EIF3H: variants seen among roughly 807,000 people sequenced by gnomAD.
EIF3H encodes the protein eIF-3-gamma.
EIF3H carries 26 observed loss-of-function variants against 44.2 expected under a neutral mutation model. The observed-to-expected ratio is 0.59, with a 90% CI of 0.43 to 0.82. The LOEUF (loss-of-function observed/expected upper bound fraction) is 0.82. Ranked by LOEUF, EIF3H falls within the 40% of genes least tolerant of loss-of-function variation. EIF3H has a pLI of 0.00. For synonymous variants in EIF3H, 166 were observed against 151.9 expected (o/e 1.09, Z -0.68); for missense variants, 359 against 432.8 (o/e 0.83, Z 1.51).
intron 1 of EIF3H, among the ~76,000 whole-genome samples, chr8:116,731,163 T>TA (rs1393774289): frequency 1.3e-5 from 2 of 152,232 alleles, no homozygotes; most frequent in Admixed American, 6.5e-5. Flanking sequence ...TTGTGATACA[T>TA]ATACACTCAG....
At chr8:116,673,897 C>T (rs1480657325) in intron 2 of EIF3H, among the ~76,000 whole-genome samples, 1 of 151,662 alleles carries the variant, frequency 6.6e-6, no homozygotes, top group Non-Finnish European at 1.5e-5. Context: ...GGTGAAACCC[C>T]GTCGCTACTA....
intron 4 of EIF3H, 122 bp from the exon 5 acceptor site, chr8:116,656,127 A>T: frequency 1.6e-6 from 1 of 641,704 alleles, no homozygotes; most frequent in Non-Finnish European, 2.4e-6. Context: ...AGCACTCTTA[A>T]AAAAAAAAAA....
At chr8:116,689,025 T>C in intron 2 of EIF3H, 1 of 414,002 alleles carries the variant, frequency 2.4e-6, no homozygotes, top group Non-Finnish European at 4.9e-6. Flanking sequence ...GCATTATTCA[T>C]AATAGGCAAA....
At chr8:116,727,288 G>A (rs1405198884) in intron 1 of EIF3H, among the ~76,000 whole-genome samples, 1 of 152,102 alleles carries the variant, frequency 6.6e-6, no homozygotes, top group African/African-American at 2.4e-5. Context: ...GCTAAAAAAA[G>A]GCAGCAGGAA....
chr8:116,739,543 G>C (rs965099468), intron 1 of EIF3H, among the ~76,000 whole-genome samples: 3 of 152,198 alleles, frequency 2.0e-5, no homozygotes, highest in Non-Finnish European at 4.4e-5. Context: ...CCAGCTACTC[G>C]GGAGGCTGAG....
At chr8:116,691,835 G>A (rs1205037673) in intron 2 of EIF3H, among the ~76,000 whole-genome samples, 2 of 146,152 alleles carry the variant, frequency 1.4e-5, no homozygotes, top group Non-Finnish European at 3.0e-5. Context: ...TCACGCCACT[G>A]CACTGCAGCC....
chr8:116,669,349 TA>T (rs1046488669), intron 2 of EIF3H, among the ~76,000 whole-genome samples: 2 of 152,178 alleles, frequency 1.3e-5, no homozygotes, highest in African/African-American at 4.8e-5. Flanking sequence ...CTGATTCCAT[TA>T]ATAACTCTTC....
At chr8:116,757,380 C>G (rs1310057997), upstream of EIF3H, among the ~76,000 whole-genome samples, 1 of 152,160 alleles carries the variant, frequency 6.6e-6, no homozygotes, top group Non-Finnish European at 1.5e-5. Flanking sequence ...ATTTCCGTCA[C>G]TTCGGTTCCT....
At chr8:116,718,061 A>AT (rs1397021431) in intron 2 of EIF3H, among the ~76,000 whole-genome samples, 1 of 152,160 alleles carries the variant, frequency 6.6e-6, no homozygotes, top group Non-Finnish European at 1.5e-5. Context: ...AAACAATTGC[A>AT]TCAAAAAGTG....
chr8:116,718,604 T>C (rs1814691435), intron 2 of EIF3H, among the ~76,000 whole-genome samples: 1 of 152,074 alleles, frequency 6.6e-6, no homozygotes. Context: ...ATCATTATTC[T>C]AAGTGAAGTA....
At chr8:116,706,840 C>T (rs12375316) in intron 2 of EIF3H, among the ~76,000 whole-genome samples, 75,265 of 152,062 alleles carry the variant, frequency 0.49, 20,564 homozygotes, top group Non-Finnish European at 0.62. Flanking sequence ...CCACAGCACC[C>T]GGCCAACATT....
At chr8:116,712,241 C>A (rs1414766262) in intron 2 of EIF3H, among the ~76,000 whole-genome samples, 1 of 152,170 alleles carries the variant, frequency 6.6e-6, no homozygotes, top group East Asian at 1.9e-4. Context: ...AGTAGCCTAC[C>A]ACCAAAATAT....
chr8:116,712,939 T>C (rs913126415), intron 2 of EIF3H, among the ~76,000 whole-genome samples: 5 of 152,112 alleles, frequency 3.3e-5, no homozygotes, highest in Non-Finnish European at 7.4e-5. Flanking sequence ...CTGGGCAAGA[T>C]AGGAAGCAAG....
intron 2 of EIF3H, among the ~76,000 whole-genome samples, chr8:116,719,552 A>T (rs976758222): frequency 6.6e-6 from 1 of 152,226 alleles, no homozygotes; most frequent in Non-Finnish European, 1.5e-5. Flanking sequence ...AATAAAAAAG[A>T]GGGAATGTTA....
At chr8:116,688,104 A>G (rs372996153) in intron 2 of EIF3H, among the ~76,000 whole-genome samples, 6 of 152,262 alleles carry the variant, frequency 3.9e-5, no homozygotes, top group African/African-American at 1.4e-4. Flanking sequence ...AATTGTAGAA[A>G]CATACCTGAA....
chr8:116,747,531 G>GA (rs1241520902), intron 1 of EIF3H, among the ~76,000 whole-genome samples: 3 of 152,132 alleles, frequency 2.0e-5, no homozygotes, highest in African/African-American at 7.2e-5. Flanking sequence ...TTATCTGACT[G>GA]AAAAAATTAT....
At chr8:116,758,096 A>T (rs938446111), upstream of EIF3H, among the ~76,000 whole-genome samples, 3 of 152,220 alleles carry the variant, frequency 2.0e-5, no homozygotes, top group Non-Finnish European at 4.4e-5. Context: ...AACATGATCT[A>T]TCCATAGGCT....
At chr8:116,721,522 C>T (rs973844992) in intron 2 of EIF3H, among the ~76,000 whole-genome samples, 2 of 152,208 alleles carry the variant, frequency 1.3e-5, no homozygotes, top group African/African-American at 4.8e-5. Flanking sequence ...CCTCCAGACC[C>T]CAGAATGGTA....
At chr8:116,763,093 A>G (rs1012510506) in intron 1 of EIF3H, among the ~76,000 whole-genome samples, 3 of 152,232 alleles carry the variant, frequency 2.0e-5, no homozygotes, top group African/African-American at 7.2e-5. Context: ...CTATTATGTT[A>G]TATTTGGTGG....
Sources: allele counts gnomAD v4.1 joint callset (sites outside exome capture counted in the v4.1 genomes callset), GRCh38; gene constraint gnomAD v4.1.1; transcripts MANE v1.5; gene names NCBI Gene and HGNC (gene_info 2026-07-23, HGNC 2026-07-21).